The following LRP1B variants were observed in gnomAD, a reference collection of about 807,000 sequenced individuals.
LRP1B encodes the protein LDL receptor related protein 1B, also known as low-density lipoprotein receptor-related protein 1B.
A neutral mutation model predicts 556.6 loss-of-function variants in LRP1B; 217 were observed. The ratio of observed to expected loss-of-function variants is 0.39; its 90% CI spans 0.35 to 0.44. The LOEUF is 0.44. Ranked by LOEUF, LRP1B falls within the 20% of genes least tolerant of loss-of-function variation. The pLI is 1.00. For synonymous variants in LRP1B, 2,047 were observed against 1,865.8 expected (o/e 1.10, Z -2.50); for missense variants, 5,053 against 5,620.8 (o/e 0.90, Z 3.23).
intron 2 of LRP1B, among the ~76,000 whole-genome samples, chr2:141,707,107 C>T (rs1462917696): frequency 2.0e-5 from 3 of 152,058 alleles, no homozygotes; most frequent in African/African-American, 7.2e-5. Context: ...TTAGGAAAAT[C>T]AGTGTAATTT....
At chr2:140,743,993 T>TAAAA (rs1297190080) in intron 35 of LRP1B, among the ~76,000 whole-genome samples, 134 of 7,174 alleles carry the variant, frequency 0.019, 33 homozygotes, top group Non-Finnish European at 0.022. Context: ...AAAAAAAAAG[T>TAAAA]AAAAAGTAAA....
intron 7 of LRP1B, among the ~76,000 whole-genome samples, chr2:141,078,962 T>A (rs1699859110): frequency 6.6e-6 from 1 of 152,164 alleles, no homozygotes; most frequent in South Asian, 2.1e-4. Context: ...GATAAAGTGC[T>A]TTGCCCAGGA....
At chr2:140,371,469 TATA>T (rs778804497) in intron 69 of LRP1B, among the ~76,000 whole-genome samples, 184 bp from the exon 70 acceptor site, 13 of 151,718 alleles carry the variant, frequency 8.6e-5, no homozygotes, top group Non-Finnish European at 1.8e-4. Context: ...TAGAATTAGT[TATA>T]ATATTATTGC....
At chr2:141,229,152 G>C (rs1683364834) in intron 6 of LRP1B, 31 bp downstream of exon 6, 1 of 1,606,384 alleles carries the variant, frequency 6.2e-7, no homozygotes, top group South Asian at 1.1e-5. Context: ...TCAGTAAAGG[G>C]TGGCATATAA....
intron 2 of LRP1B, among the ~76,000 whole-genome samples, chr2:141,567,579 T>G (rs1440164212): frequency 6.6e-6 from 1 of 152,176 alleles, no homozygotes; most frequent in Non-Finnish European, 1.5e-5. Flanking sequence ...CATTGAGTTC[T>G]CCTAACTTTT....
intron 3 of LRP1B, among the ~76,000 whole-genome samples, chr2:141,359,926 A>G (rs112099397): frequency 6.6e-6 from 1 of 152,256 alleles, no homozygotes; most frequent in Admixed American, 6.5e-5. Flanking sequence ...AGTTTAAGAC[A>G]GTAAGGTTTG....
chr2:141,113,921 A>G (rs1358162328), intron 7 of LRP1B, among the ~76,000 whole-genome samples: 1 of 152,166 alleles, frequency 6.6e-6, no homozygotes, highest in Non-Finnish European at 1.5e-5. Flanking sequence ...CTGTTAGAAA[A>G]CTCATGCAAT....
At chr2:141,905,240 A>C (rs1699722219) in intron 1 of LRP1B, among the ~76,000 whole-genome samples, 1 of 151,878 alleles carries the variant, frequency 6.6e-6, no homozygotes, top group Non-Finnish European at 1.5e-5. Flanking sequence ...GACAAAGGGC[A>C]GGGCTGGCTC....
intron 2 of LRP1B, among the ~76,000 whole-genome samples, chr2:141,753,474 G>C (rs1694203884): frequency 6.6e-6 from 1 of 151,662 alleles, no homozygotes; most frequent in South Asian, 2.1e-4. Context: ...TCCCGAGGGT[G>C]TGCGTATTAG....
At chr2:140,793,641 A>G (rs1040642214) in intron 32 of LRP1B, among the ~76,000 whole-genome samples, 40 of 152,000 alleles carry the variant, frequency 2.6e-4, no homozygotes, top group Admixed American at 2.3e-3. Flanking sequence ...CCATGTCCCT[A>G]TCTTTCACAA....
At chr2:141,038,639 A>T (rs913710261) in intron 11 of LRP1B, among the ~76,000 whole-genome samples, 11 of 152,080 alleles carry the variant, frequency 7.2e-5, no homozygotes, top group Non-Finnish European at 4.4e-5. Context: ...TCACAATTTG[A>T]GGTAGTGCTT....
Position 141,029,565 on chromosome 2 carries a change from C to T in LRP1B, c.1790-9463G>A, listed in dbSNP as rs546092755. 3.3e-5 allele frequency among the ~76,000 whole-genome samples: 5 copies of T among 152,210 alleles called. No individual in the cohort carries two copies. In the East Asian group the frequency reaches 7.8e-4, roughly 24 times the overall value. ...ACAGATCTTGCTGTTTGCATAATGCCGGCTGCTTTCTCAGAAAGTGCTGAT... is the reference window on the plus strand; with the variant it reads ...ACAGATCTTGCTGTTTGCATAATGCTGGCTGCTTTCTCAGAAAGTGCTGAT... On this transcript the variant is annotated intron_variant, in intron 11 of 90. Coordinates refer to ENST00000389484, the MANE Select transcript of LRP1B (RefSeq NM_018557.3).
intron 7 of LRP1B, among the ~76,000 whole-genome samples, chr2:141,185,943 G>T (rs956604016): frequency 6.6e-6 from 1 of 151,654 alleles, no homozygotes; most frequent in Non-Finnish European, 1.5e-5. Context: ...GCCAGGCTTG[G>T]TGGTAGGCAA....
intron 3 of LRP1B, among the ~76,000 whole-genome samples, chr2:141,339,916 C>T (rs144735165): frequency 0.012 from 1,780 of 152,144 alleles, 22 homozygotes; most frequent in Middle Eastern, 0.02. Context: ...GGTAATTTTT[C>T]AGCTTTCACC....
At chr2:141,817,620 CT>C (rs1696604456) in intron 1 of LRP1B, among the ~76,000 whole-genome samples, 1 of 152,000 alleles carries the variant, frequency 6.6e-6, no homozygotes, top group South Asian at 2.1e-4. Context: ...TAATTTTGAT[CT>C]TTTCAGAAAA....
chr2:142,029,641 A>G (rs527429069), intron 1 of LRP1B, among the ~76,000 whole-genome samples: 1 of 151,844 alleles, frequency 6.6e-6, no homozygotes. Flanking sequence ...GCTGTTCATG[A>G]TTTATCCTGT....
chr2:141,793,568 A>G (rs1050755225), intron 2 of LRP1B, among the ~76,000 whole-genome samples: 7 of 151,990 alleles, frequency 4.6e-5, no homozygotes, highest in African/African-American at 1.7e-4. Context: ...ACAAAAATTA[A>G]TGCTGCCAAA....
chr2:140,521,012 T>G (rs1690147822), intron 49 of LRP1B, among the ~76,000 whole-genome samples: 1 of 151,558 alleles, frequency 6.6e-6, no homozygotes, highest in Admixed American at 6.6e-5. Context: ...AAAAAAGAAT[T>G]TTAGAAAATG....
chr2:141,196,929 A>G (rs1681777095), intron 6 of LRP1B, among the ~76,000 whole-genome samples: 2 of 152,232 alleles, frequency 1.3e-5, no homozygotes, highest in South Asian at 4.1e-4. Context: ...AATGCAAGGT[A>G]TCTCACCTTG....
Sources: gnomAD v4.1 joint callset for allele counts (sites outside exome capture counted in the v4.1 genomes callset) on GRCh38, gnomAD v4.1.1 for gene constraint, MANE v1.5 for transcripts, NCBI Gene and HGNC (gene_info 2026-07-23, HGNC 2026-07-21) for gene names.